RP1: variants seen among roughly 807,000 people sequenced by gnomAD.
RP1 encodes the protein RP1 axonemal microtubule associated, also known as oxygen-regulated protein 1.
RP1 carries 16 observed loss-of-function variants against 14.8 expected under a neutral mutation model. That is an observed-to-expected ratio of 1.08 (90% CI 0.73 to 1.65). The LOEUF is 1.65. Ranked by LOEUF, RP1 falls within the 40% of genes most tolerant of loss-of-function variation. RP1 has a pLI of 0.00. For missense variants in RP1, 2,631 were observed against 2,535.0 expected (o/e 1.04, Z -0.81); for synonymous variants, 876 against 883.6 (o/e 0.99, Z 0.15).
chr8:54,850,201 T>G (rs1478631172), intron 25 of RP1, among the ~76,000 whole-genome samples: 1 of 152,214 alleles, frequency 6.6e-6, no homozygotes, highest in East Asian at 1.9e-4. Flanking sequence ...AATAGCCACT[T>G]CTAAAAAATG....
At chr8:54,829,057 T>A (rs1313486216) in intron 24 of RP1, among the ~76,000 whole-genome samples, 1 of 151,962 alleles carries the variant, frequency 6.6e-6, no homozygotes, top group Non-Finnish European at 1.5e-5. Context: ...CATGCCGGGC[T>A]AATTTTTGTA....
chr8:54,864,553 G>A (rs1390527610), intron 27 of RP1, among the ~76,000 whole-genome samples: 2 of 152,088 alleles, frequency 1.3e-5, no homozygotes, highest in Non-Finnish European at 1.5e-5. Context: ...AGATCATCAA[G>A]CAGTCATAAT....
chr8:54,720,751 A>T (rs1318343447), intron 16 of RP1, among the ~76,000 whole-genome samples: 13 of 152,344 alleles, frequency 8.5e-5, no homozygotes, highest in Admixed American at 3.9e-4. Flanking sequence ...ATTTGGAAAA[A>T]ATTTCAAGAT....
intron 24 of RP1, among the ~76,000 whole-genome samples, chr8:54,811,044 G>C (rs1810982062): frequency 6.6e-6 from 1 of 152,116 alleles, no homozygotes; most frequent in Admixed American, 6.5e-5. Flanking sequence ...AACCCTTGTT[G>C]GTTGTTTCTA....
chr8:54,564,855 G>A (rs4276668), intron 1 of RP1, among the ~76,000 whole-genome samples: 123,761 of 152,176 alleles, frequency 0.81, 51,034 homozygotes, highest in Non-Finnish European at 0.89. Context: ...GTTGATTTCA[G>A]TAACCTGTGG....
At position 54,621,534 on chromosome 8, in the gene RP1, G is replaced by T. The variant is rs761165965; in HGVS notation, c.568G>T (p.Val190Phe). The T allele has an allele frequency of 5.6e-6, 9 of 1,614,210 alleles. No individual in the cohort carries two copies. In the South Asian group the frequency reaches 9.9e-5, roughly 18 times the overall value. The change falls in exon 2 of 4, where the codon GTC (valine) becomes TTC (phenylalanine). Residue 190 changes from valine (V) to phenylalanine (F), a missense_variant. Transcript: ENST00000220676. ...GGCATTTCTACAGCACCTGACAGAG[G>T]TCATGCAGCGCCCTGTGGTCAAGCT... ...FEAFLQHLTE[V>F]MQRPVVKLYA...
intron 17 of RP1, among the ~76,000 whole-genome samples, chr8:54,728,796 A>G (rs1808722658): frequency 6.6e-6 from 1 of 152,136 alleles, no homozygotes; most frequent in African/African-American, 2.4e-5. Flanking sequence ...TTATTTTTTT[A>G]GAATAATCTT....
intron 22 of RP1, among the ~76,000 whole-genome samples, chr8:54,764,347 G>A (rs1174506098): frequency 6.6e-6 from 1 of 152,206 alleles, no homozygotes; most frequent in Admixed American, 6.5e-5. Flanking sequence ...GGTGCTGTTG[G>A]ATCTGAGTTT....
intron 22 of RP1, among the ~76,000 whole-genome samples, chr8:54,766,440 G>T (rs1809763075): frequency 6.6e-6 from 1 of 151,888 alleles, no homozygotes; most frequent in South Asian, 2.1e-4. Flanking sequence ...GCAGATTTCT[G>T]TGCTCTTCTT....
chr8:54,843,008 T>C (rs942341954), intron 25 of RP1, among the ~76,000 whole-genome samples: 4 of 152,112 alleles, frequency 2.6e-5, no homozygotes, highest in Non-Finnish European at 4.4e-5. Context: ...GAAACTCCAC[T>C]CCCCTCCCAA....
intron 1 of RP1, among the ~76,000 whole-genome samples, chr8:54,607,523 C>T (rs1805481882): frequency 6.6e-6 from 1 of 152,206 alleles, no homozygotes; most frequent in African/African-American, 2.4e-5. Flanking sequence ...TCTGTCTTTT[C>T]TCAGATCTCC....
intron 15 of RP1, among the ~76,000 whole-genome samples, chr8:54,717,465 G>C (rs1808431608): frequency 6.6e-6 from 1 of 152,136 alleles, no homozygotes; most frequent in African/African-American, 2.4e-5. Context: ...AATCTGGGAA[G>C]TAATGACAAA....
At chr8:54,758,499 A>C (rs1238266446) in intron 21 of RP1, among the ~76,000 whole-genome samples, 1 of 151,996 alleles carries the variant, frequency 6.6e-6, no homozygotes, top group Non-Finnish European at 1.5e-5. Context: ...GAAGGAAGGA[A>C]GGAAAGAAAA....
At chr8:54,706,397 C>CA in intron 14 of RP1, 2 of 1,519,908 alleles carry the variant, frequency 1.3e-6, no homozygotes, top group Non-Finnish European at 1.8e-6. Context: ...TAGCAAAACA[C>CA]GAGCCCGTTA....
intron 22 of RP1, among the ~76,000 whole-genome samples, chr8:54,763,051 C>T (rs1465693461): frequency 6.6e-6 from 1 of 152,102 alleles, no homozygotes; most frequent in African/African-American, 2.4e-5. Flanking sequence ...TCTAGGTGGC[C>T]ATGAATTTTG....
chr8:54,733,890 C>T (rs1808850683), intron 17 of RP1, among the ~76,000 whole-genome samples: 1 of 152,080 alleles, frequency 6.6e-6, no homozygotes, highest in Non-Finnish European at 1.5e-5. Context: ...GCATTCTTTA[C>T]AAACAGGAGT....
intron 25 of RP1, among the ~76,000 whole-genome samples, chr8:54,839,040 C>T (rs116371592): frequency 4.6e-5 from 7 of 152,226 alleles, no homozygotes; most frequent in African/African-American, 1.7e-4. Context: ...TAGCCATTAC[C>T]ATCATCATCA....
At chr8:54,706,710 A>C (rs1420496619) in intron 15 of RP1, 26 of 1,509,714 alleles carry the variant, frequency 1.7e-5, no homozygotes, top group Non-Finnish European at 2.2e-5. Flanking sequence ...TGCCAGTTGT[A>C]GACATGAGAA....
chr8:54,630,872 A>G (rs1028711400), downstream of RP1: 1 of 970,386 alleles, frequency 1.0e-6, no homozygotes, highest in African/African-American at 1.8e-5. Context: ...CAGAATATCC[A>G]GTGAAATTGC....
Sources: gnomAD v4.1 joint callset for allele counts (sites outside exome capture counted in the v4.1 genomes callset) on GRCh38, gnomAD v4.1.1 for gene constraint, MANE v1.5 for transcripts, NCBI Gene and HGNC (gene_info 2026-07-23, HGNC 2026-07-21) for gene names.